The following TGM3 variants were observed in gnomAD, a reference collection of about 807,000 sequenced individuals.
TGM3 encodes protein-glutamine gamma-glutamyltransferase E.
Under a neutral mutation model 73.8 loss-of-function variants are expected in TGM3, and 52 were observed. That is an observed-to-expected ratio of 0.70 (90% CI 0.56 to 0.89). TGM3 has a LOEUF of 0.89. Ranked by LOEUF, TGM3 falls within the 40% of genes least tolerant of loss-of-function variation. The pLI, the probability that TGM3 is intolerant of heterozygous loss-of-function variation, is 0.00. For synonymous variants in TGM3, 372 were observed against 354.9 expected, an observed-to-expected ratio of 1.05 and a Z score of -0.54; for missense variants, 928 against 909.9, an observed-to-expected ratio of 1.02 and a Z score of -0.26.
intron 4 of TGM3, among the ~76,000 whole-genome samples, chr20:2,312,242 A>G (rs1377592344): frequency 6.6e-6 from 1 of 151,574 alleles, no homozygotes; most frequent in Admixed American, 6.6e-5. Flanking sequence ...TCTACTAAAA[A>G]TACAAAAATT....
chr20:2,303,749 C>T (rs1008529390), intron 1 of TGM3, among the ~76,000 whole-genome samples: 2 of 152,082 alleles, frequency 1.3e-5, no homozygotes, highest in Non-Finnish European at 2.9e-5. Context: ...AGATATTTAT[C>T]TGGCAGTCCA....
At chr20:2,296,173 T>G (rs542051093) in intron 1 of TGM3, 103 bp downstream of exon 1, 2 of 1,428,440 alleles carry the variant, frequency 1.4e-6, no homozygotes, top group African/African-American at 2.8e-5. Context: ...GCTGCCTGCC[T>G]TGGGGGCTCT....
intron 11 of TGM3, 117 bp from the exon 12 acceptor site, chr20:2,339,737 T>C: frequency 7.0e-7 from 1 of 1,426,322 alleles, no homozygotes; most frequent in South Asian, 1.3e-5. Flanking sequence ...TGGTCTCCCC[T>C]TCTTCATCCT....
chr20:2,296,097 G>C (rs2084104998), intron 1 of TGM3, 27 bp downstream of exon 1: 1 of 1,549,950 alleles, frequency 6.5e-7, no homozygotes, highest in African/African-American at 1.4e-5. Context: ...TTCTCCATCA[G>C]GTCCTTGCCA....
intron 7 of TGM3, among the ~76,000 whole-genome samples, chr20:2,317,757 C>T (rs1345784914): frequency 1.3e-5 from 2 of 151,964 alleles, no homozygotes; most frequent in Admixed American, 6.6e-5. Flanking sequence ...CTCCTAAATT[C>T]ACTCTGAATT....
intron 5 of TGM3, among the ~76,000 whole-genome samples, chr20:2,314,801 CTTTA>C (rs952438346): frequency 1.3e-5 from 2 of 152,050 alleles, no homozygotes; most frequent in Admixed American, 6.5e-5. Flanking sequence ...ATCCTGTAAC[CTTTA>C]TTTATTTATT....
intron 1 of TGM3, 98 bp downstream of exon 1, chr20:2,296,168 C>T: frequency 6.9e-7 from 1 of 1,453,604 alleles, no homozygotes; most frequent in South Asian, 1.2e-5. Flanking sequence ...GGACAGCTGC[C>T]TGCCTTGGGG....
intron 11 of TGM3, among the ~76,000 whole-genome samples, chr20:2,336,025 G>A (rs2084348979): frequency 6.6e-6 from 1 of 152,226 alleles, no homozygotes; most frequent in Non-Finnish European, 1.5e-5. Flanking sequence ...TGAGAACAAA[G>A]ACCCCTCTTT....
intron 8 of TGM3, 126 bp from the exon 9 acceptor site, chr20:2,327,993 CA>C: frequency 7.4e-7 from 1 of 1,345,916 alleles, no homozygotes; most frequent in Non-Finnish European, 1.0e-6. Context: ...GACACACAGT[CA>C]GGGGTGAAGG....
chr20:2,303,697 GA>G (rs1487533183), intron 1 of TGM3, among the ~76,000 whole-genome samples: 2 of 152,084 alleles, frequency 1.3e-5, no homozygotes, highest in Non-Finnish European at 2.9e-5. Flanking sequence ...ACATATGGGG[GA>G]TTTCATTACC....
At chr20:2,333,431 T>C (rs2084331469) in intron 10 of TGM3, among the ~76,000 whole-genome samples, 1 of 152,194 alleles carries the variant, frequency 6.6e-6, no homozygotes, top group African/African-American at 2.4e-5. Context: ...TTGCTCTGTC[T>C]GCCAGGCTGA....
intron 1 of TGM3, among the ~76,000 whole-genome samples, chr20:2,303,091 G>C (rs1482760617): frequency 6.6e-6 from 1 of 152,154 alleles, no homozygotes; most frequent in Non-Finnish European, 1.5e-5. Flanking sequence ...TTGAGGTCGG[G>C]AGTTCGACAA....
rs551403389 is a variant in TGM3 at position 2,305,377 on chromosome 20, A to G, written c.8-4280A>G. Among the ~76,000 whole-genome samples the G allele has an allele frequency of 2.0e-5, 3 of 152,322 alleles. No homozygotes were observed. The South Asian group carries it at 6.2e-4, about 32-fold the overall frequency. ...TTTTGGAGGTTCCAAGGCTTTCAGG[A>G]ACTTTGTGCCAAGAAAAAGCAGAGA... is the stretch of plus-strand genomic sequence containing the variant. On this transcript the variant is annotated intron_variant, in intron 1 of 12. Transcript: ENST00000381458.
chr20:2,340,040 G>GGGGGGGGGGGGGGGGGGGGC, intron 12 of TGM3, 53 bp downstream of exon 12: 176 of 944,270 alleles, frequency 1.9e-4, no homozygotes, highest in Non-Finnish European at 2.7e-4. Flanking sequence ...GGGCGGGGGG[G>GGGGGGGGGGGGGGGGGGGGC]CCCTCCAGAT....
At chr20:2,321,867 A>G (rs954466094) in intron 7 of TGM3, among the ~76,000 whole-genome samples, 2 of 152,322 alleles carry the variant, frequency 1.3e-5, no homozygotes, top group East Asian at 1.9e-4. Context: ...TGCATGAGGG[A>G]GGAACCAGGA....
chr20:2,322,277 A>C (rs1205280825), intron 7 of TGM3, among the ~76,000 whole-genome samples: 1 of 152,134 alleles, frequency 6.6e-6, no homozygotes, highest in African/African-American at 2.4e-5. Flanking sequence ...TTTTCCATTC[A>C]TCTTTTCTCT....
chr20:2,340,714 TC>T lies in TGM3; in HGVS notation c.*135del. 8.2e-7 allele frequency: 1 copy of T among 1,223,008 alleles called. No homozygotes were observed. Among genetic ancestry groups the T allele is most frequent in the Non-Finnish European group, 1.2e-6 (1 of 858,362 alleles). The allele number at this position is 1,223,008 out of a possible 1,614,324, so 75.8% of individuals were successfully genotyped here. A position where few individuals can be genotyped will look rare whatever the true frequency, so the allele number is the denominator to read the frequency against. ...CTCCCAAGGCTGCCAGACATGGACC[TC>T]CAGGCTCCAGCACATCCCCCTCTCC... On this transcript the variant is annotated 3_prime_UTR_variant, in exon 13 of 13. Transcript: ENST00000381458.
At chr20:2,327,933 G>T (rs754173779) in intron 8 of TGM3, among the ~76,000 whole-genome samples, 187 bp from the exon 9 acceptor site, 6 of 152,200 alleles carry the variant, frequency 3.9e-5, no homozygotes, top group African/African-American at 1.4e-4. Context: ...AGTTCGACCA[G>T]CAAGAGAATC....
chr20:2,338,586 G>A (rs1229221547), intron 11 of TGM3, among the ~76,000 whole-genome samples: 1 of 152,220 alleles, frequency 6.6e-6, no homozygotes, highest in Non-Finnish European at 1.5e-5. Context: ...AAACAGCAAA[G>A]GCTTTAGATC....
Sources: allele counts gnomAD v4.1 joint callset (sites outside exome capture counted in the v4.1 genomes callset), GRCh38; gene constraint gnomAD v4.1.1; transcripts MANE v1.5; gene names NCBI Gene and HGNC (gene_info 2026-07-23, HGNC 2026-07-21).